Variants in SETD2 observed in about 807,000 individuals in gnomAD.
The protein encoded by SETD2 is SET domain containing 2, histone lysine methyltransferase, also known as histone-lysine N-methyltransferase SETD2.
SETD2 carries 31 observed loss-of-function variants against 242.1 expected under a neutral mutation model. The observed-to-expected ratio is 0.13, with a 90% CI of 0.10 to 0.17. The LOEUF is 0.17. Among genes scored for constraint, SETD2 ranks in the 10% least tolerant of loss-of-function variants. SETD2 has a pLI of 1.00. For missense variants in SETD2, 2,481 were observed against 3,046.3 expected, an observed-to-expected ratio of 0.81 and a Z score of 4.37; for synonymous variants, 1,006 against 1,066.5, an observed-to-expected ratio of 0.94 and a Z score of 1.11.
chr3:47,101,974 T>C (rs753668721), intron 7 of SETD2, among the ~76,000 whole-genome samples: 1 of 152,154 alleles, frequency 6.6e-6, no homozygotes, highest in Non-Finnish European at 1.5e-5. Flanking sequence ...AAAGTAACCA[T>C]GTTGTAAGAT....
Position 47,149,655 on chromosome 3 carries a change from A to T in SETD2, c.71+14199T>A, listed in dbSNP as rs1021465105. 4.3e-4 allele frequency among the ~76,000 whole-genome samples: 66 copies of T among 152,232 alleles called. 1 individual carries two copies. The highest frequency in any genetic ancestry group is 1.6e-3 in the African/African-American group (66 of 41,540). The stretch of plus-strand genomic sequence containing the variant: ...GTATTCTTCTGGGCTGCCCTCCCTG[A>T]TTGCCCACCTGATCCCCATCCCAGT... On this transcript the variant is annotated intron_variant, in intron 1 of 20. Coordinates refer to ENST00000409792, the MANE Select transcript of SETD2 (RefSeq NM_014159.7).
intron 9 of SETD2, among the ~76,000 whole-genome samples, chr3:47,088,827 T>C (rs1343170901): frequency 6.6e-6 from 1 of 152,352 alleles, no homozygotes; most frequent in East Asian, 1.9e-4. Flanking sequence ...GAAATTCTAC[T>C]TATCAGAATA....
intron 1 of SETD2, among the ~76,000 whole-genome samples, chr3:47,151,687 C>T (rs1559768481): frequency 6.6e-6 from 1 of 151,860 alleles, no homozygotes; most frequent in Non-Finnish European, 1.5e-5. Context: ...ATTAGCCGGG[C>T]GTGGTGGTAC....
intron 18 of SETD2, among the ~76,000 whole-genome samples, chr3:47,022,602 A>G (rs1480611484): frequency 6.6e-6 from 1 of 152,244 alleles, no homozygotes; most frequent in African/African-American, 2.4e-5. Context: ...GCAATAAACA[A>G]TAATCAGTTT....
At chr3:47,156,041 A>G (rs1278657749) in intron 1 of SETD2, among the ~76,000 whole-genome samples, 2 of 152,172 alleles carry the variant, frequency 1.3e-5, no homozygotes, top group Admixed American at 1.3e-4. Context: ...TGAGCAAAGA[A>G]CAATTAGCAA....
In SETD2 at chr3:47,121,858, T is replaced by C. The variant is rs2106662614; in HGVS notation, c.2778A>G (p.Lys926=). 2 of 1,614,110 alleles carry C rather than the reference T, an allele frequency of 1.2e-6. No homozygotes were observed. The highest frequency in any genetic ancestry group is 1.3e-5 in the African/African-American group (1 of 75,052). ...KSSEFLKHAG[K]ETIVEVGSDL... Reference sequence around the variant, plus strand: ...CACTACCTACTTCTACTATTGTTTCTTTCCCTGCATGCTTTAAAAACTCTG... The same window carrying C: ...CACTACCTACTTCTACTATTGTTTCCTTCCCTGCATGCTTTAAAAACTCTG... Residue 926 remains lysine, a synonymous_variant, in exon 3 of 21, where the codon AAA becomes AAG. Transcript: ENST00000409792.
chr3:47,060,229 TC>T (rs1194116942), intron 14 of SETD2, among the ~76,000 whole-genome samples: 1 of 152,160 alleles, frequency 6.6e-6, no homozygotes, highest in African/African-American at 2.4e-5. Flanking sequence ...GCCACTGCAC[TC>T]CAGCTTGGGC....
At chr3:47,025,048 A>C (rs1169623683) in intron 18 of SETD2, among the ~76,000 whole-genome samples, 1 of 152,200 alleles carries the variant, frequency 6.6e-6, no homozygotes, top group African/African-American at 2.4e-5. Flanking sequence ...TGCCTTCCCT[A>C]TGTCACTCCA....
chr3:47,034,784 C>T (rs2107524076), intron 18 of SETD2, among the ~76,000 whole-genome samples: 1 of 152,326 alleles, frequency 6.6e-6, no homozygotes, highest in South Asian at 2.1e-4. Flanking sequence ...GGAGCAATAG[C>T]CTTGCCTTAT....
At chr3:47,096,214 C>G (rs536813374) in intron 9 of SETD2, among the ~76,000 whole-genome samples, 4 of 152,266 alleles carry the variant, frequency 2.6e-5, no homozygotes, top group African/African-American at 9.6e-5. Flanking sequence ...AGAGCAGAGA[C>G]AAGATGCTGG....
intron 12 of SETD2, among the ~76,000 whole-genome samples, chr3:47,078,923 T>A (rs1575737669): frequency 6.6e-6 from 1 of 151,878 alleles, no homozygotes; most frequent in Non-Finnish European, 1.5e-5. Flanking sequence ...AGAGACAGGG[T>A]TTTGCTTTGT....
At chr3:47,063,157 T>A (rs1235884653) in intron 13 of SETD2, among the ~76,000 whole-genome samples, 1 of 152,216 alleles carries the variant, frequency 6.6e-6, no homozygotes, top group Non-Finnish European at 1.5e-5. Flanking sequence ...ATATTTTCTA[T>A]GTAGATTTGG....
At chr3:47,030,550 C>T (rs2038718160) in intron 18 of SETD2, among the ~76,000 whole-genome samples, 2 of 152,132 alleles carry the variant, frequency 1.3e-5, no homozygotes, top group South Asian at 4.1e-4. Flanking sequence ...TGAAAACTAC[C>T]AATCATGGAT....
chr3:47,050,723 CTTTTTTTT>C (rs775259096), intron 15 of SETD2, among the ~76,000 whole-genome samples: 9 of 66,882 alleles, frequency 1.3e-4, no homozygotes, highest in East Asian at 5.3e-4. Context: ...TTTCCTCTCT[CTTTTTTTT>C]TTTTTTTTTT....
chr3:47,154,037 T>C (rs1397545393), intron 1 of SETD2, among the ~76,000 whole-genome samples: 2 of 152,204 alleles, frequency 1.3e-5, no homozygotes, highest in African/African-American at 4.8e-5. Flanking sequence ...CCTAATATAC[T>C]AACCAGACAT....
At chr3:47,037,500 A>C (rs2039066666) in intron 18 of SETD2, among the ~76,000 whole-genome samples, 166 bp downstream of exon 18, 1 of 151,768 alleles carries the variant, frequency 6.6e-6, no homozygotes, top group Non-Finnish European at 1.5e-5. Flanking sequence ...CATGGTGTAT[A>C]TGTAAAAAGG....
intron 13 of SETD2, among the ~76,000 whole-genome samples, chr3:47,062,905 T>G (rs376919164): frequency 2.4e-4 from 36 of 152,216 alleles, no homozygotes; most frequent in African/African-American, 8.4e-4. Flanking sequence ...ATTGCACCAC[T>G]GCAGTCCAGC....
intron 10 of SETD2, 66 bp from the exon 11 acceptor site, chr3:47,086,380 C>A (rs902255459): frequency 1.4e-5 from 22 of 1,540,738 alleles, no homozygotes; most frequent in Non-Finnish European, 1.9e-5. Context: ...TTACAAAGAG[C>A]CCGAGGAGAG....
At chr3:47,089,394 T>A (rs981056187) in intron 9 of SETD2, among the ~76,000 whole-genome samples, 1 of 151,724 alleles carries the variant, frequency 6.6e-6, no homozygotes, top group African/African-American at 2.4e-5. Flanking sequence ...CTACAGTGAG[T>A]TATAATTTTG....
Sources: gnomAD v4.1 joint callset for allele counts (sites outside exome capture counted in the v4.1 genomes callset) on GRCh38, gnomAD v4.1.1 for gene constraint, MANE v1.5 for transcripts, NCBI Gene and HGNC (gene_info 2026-07-23, HGNC 2026-07-21) for gene names.